The following NT5DC3 variants were observed in gnomAD, a reference collection of about 807,000 sequenced individuals.
The protein encoded by NT5DC3 is 5'-nucleotidase domain-containing protein 3.
A neutral mutation model predicts 67.8 loss-of-function variants in NT5DC3; 42 were observed. The observed-to-expected ratio is 0.62, with a 90% CI of 0.48 to 0.80. The LOEUF is 0.80. Among genes scored for constraint, NT5DC3 ranks in the 30% least tolerant of loss-of-function variants. The pLI, the probability that NT5DC3 is intolerant of heterozygous loss-of-function variation, is 0.00. For missense variants in NT5DC3, 570 were observed against 696.4 expected (o/e 0.82, Z 2.04); for synonymous variants, 237 against 255.6 (o/e 0.93, Z 0.69).
At chr12:103,839,428 T>A (rs1888286680) in intron 1 of NT5DC3, among the ~76,000 whole-genome samples, 1 of 152,190 alleles carries the variant, frequency 6.6e-6, no homozygotes, top group Admixed American at 6.5e-5. Flanking sequence ...TTTGCATTTT[T>A]TTGTAGAGAT....
At chr12:103,814,214 A>G (rs1200181523) in intron 2 of NT5DC3, among the ~76,000 whole-genome samples, 1 of 152,254 alleles carries the variant, frequency 6.6e-6, no homozygotes, top group Non-Finnish European at 1.5e-5. Flanking sequence ...ATGTGAAGCA[A>G]TAAATCAAGG....
At position 103,776,502 on chromosome 12, in the gene NT5DC3, C is replaced by G. The variant is rs1012633115; in HGVS notation, c.*1327G>C. 1 of 152,222 alleles carries G rather than the reference C, an allele frequency of 6.6e-6. No homozygotes were observed. The highest frequency in any genetic ancestry group is 2.4e-5 in the African/African-American group (1 of 41,432). The allele number at this position is 152,222 out of a possible 1,614,324, so 9.4% of individuals were successfully genotyped here. Reference sequence around the variant, plus strand: ...CCCGGGAGGCAGAGGTTGCAGTGAGCTGAGATTGTGCCACTGCACTCCAGC... The same window carrying G: ...CCCGGGAGGCAGAGGTTGCAGTGAGGTGAGATTGTGCCACTGCACTCCAGC... On this transcript the variant is annotated 3_prime_UTR_variant, in exon 14 of 14. Transcript: ENST00000392876.
chr12:103,780,278 A>G, intron 13 of NT5DC3, 22 bp downstream of exon 13: 2 of 1,607,648 alleles, frequency 1.2e-6, no homozygotes, highest in Non-Finnish European at 1.7e-6. Flanking sequence ...GGACGCGCAC[A>G]TTCAATACAG....
At chr12:103,840,422 TTCCATCCCATTC>T in intron 1 of NT5DC3, among the ~76,000 whole-genome samples, 1 of 125,616 alleles carries the variant, frequency 8.0e-6, no homozygotes, top group African/African-American at 2.8e-5. Flanking sequence ...TCTCATCTCA[TTCCATCCCATTC>T]CATCCCATCC....
At chr12:103,825,851 A>G (rs1031564612) in intron 1 of NT5DC3, among the ~76,000 whole-genome samples, 2 of 152,250 alleles carry the variant, frequency 1.3e-5, no homozygotes, top group Non-Finnish European at 2.9e-5. Context: ...GGAAGTAGAA[A>G]AGAAATATGT....
intron 11 of NT5DC3, among the ~76,000 whole-genome samples, chr12:103,786,825 G>A (rs937657885): frequency 2.0e-5 from 3 of 152,016 alleles, no homozygotes; most frequent in Admixed American, 1.3e-4. Flanking sequence ...TGGGATTACA[G>A]GCGTGTGCTA....
At chr12:103,760,863 C>T in the NT5DC3 span, among the ~76,000 whole-genome samples, 2 of 152,334 alleles carry the variant, frequency 1.3e-5, no homozygotes, top group African/African-American at 4.8e-5. Flanking sequence ...CGTGATTCAG[C>T]AGGGGAGAAG....
At chr12:103,798,536 GT>G in intron 5 of NT5DC3, 50 bp downstream of exon 5, 2 of 1,297,978 alleles carry the variant, frequency 1.5e-6, no homozygotes, top group Non-Finnish European at 2.2e-6. Flanking sequence ...ACAAGGCCAT[GT>G]TTCAAGAAGG....
intron 12 of NT5DC3, among the ~76,000 whole-genome samples, chr12:103,781,186 C>T (rs530843695): frequency 2.0e-5 from 3 of 152,302 alleles, no homozygotes; most frequent in South Asian, 2.1e-4. Flanking sequence ...TGCACATGAT[C>T]GCAGGGAACA....
At chr12:103,838,712 A>G (rs185954046) in intron 1 of NT5DC3, among the ~76,000 whole-genome samples, 1 of 152,284 alleles carries the variant, frequency 6.6e-6, no homozygotes, top group Non-Finnish European at 1.5e-5. Context: ...GGTTCAATAG[A>G]GTTAATCTGT....
downstream of NT5DC3, among the ~76,000 whole-genome samples, chr12:103,771,695 C>A (rs970354234): frequency 2.0e-5 from 3 of 152,230 alleles, no homozygotes; most frequent in African/African-American, 7.2e-5. Flanking sequence ...AGCTCAGGCT[C>A]TCCTCTCTGC....
intron 2 of NT5DC3, among the ~76,000 whole-genome samples, chr12:103,807,751 C>T (rs909539000): frequency 6.6e-6 from 1 of 152,154 alleles, no homozygotes; most frequent in Non-Finnish European, 1.5e-5. Flanking sequence ...GTGGGAGGAA[C>T]CTGGTGGGAG....
At chr12:103,751,014 A>G in the NT5DC3 span, among the ~76,000 whole-genome samples, 8 of 152,232 alleles carry the variant, frequency 5.3e-5, no homozygotes, top group South Asian at 2.1e-4. Flanking sequence ...AAAGCCACAT[A>G]GAAGTGCAGA....
chr12:103,837,121 C>T (rs1320586894), intron 1 of NT5DC3, among the ~76,000 whole-genome samples: 4 of 152,232 alleles, frequency 2.6e-5, no homozygotes, highest in Admixed American at 6.5e-5. Context: ...GACTTCGGTG[C>T]ACCCGTAGGC....
At chr12:103,794,671 G>T (rs1315849650) in intron 6 of NT5DC3, among the ~76,000 whole-genome samples, 1 of 152,338 alleles carries the variant, frequency 6.6e-6, no homozygotes, top group East Asian at 1.9e-4. Context: ...TTTTATCTTT[G>T]TGCCCTTTCT....
At chr12:103,765,099 A>C in the NT5DC3 span, among the ~76,000 whole-genome samples, 5 of 151,706 alleles carry the variant, frequency 3.3e-5, no homozygotes, top group Non-Finnish European at 7.4e-5. Context: ...AAAAAAAAAA[A>C]AAAAAAAAAA....
At chr12:103,791,353 C>CG (rs1886052455) in intron 9 of NT5DC3, among the ~76,000 whole-genome samples, 1 of 152,076 alleles carries the variant, frequency 6.6e-6, no homozygotes. Flanking sequence ...GTGAGGGCAT[C>CG]ATATCAGCTA....
chr12:103,781,315 G>T (rs1484617130), intron 12 of NT5DC3, among the ~76,000 whole-genome samples: 2 of 152,218 alleles, frequency 1.3e-5, no homozygotes, highest in Non-Finnish European at 2.9e-5. Context: ...TATCACATCT[G>T]CCCAGTTCAA....
downstream of NT5DC3, chr12:103,766,310 G>A (rs1158142251): frequency 1.2e-6 from 2 of 1,613,866 alleles, no homozygotes; most frequent in East Asian, 2.2e-5. Context: ...GCAGCTTGAG[G>A]GCAATGACCC....
Sources: allele counts gnomAD v4.1 joint callset (sites outside exome capture counted in the v4.1 genomes callset), GRCh38; gene constraint gnomAD v4.1.1; transcripts MANE v1.5; gene names NCBI Gene and HGNC (gene_info 2026-07-23, HGNC 2026-07-21).